Variants in SH3GL2 observed in about 807,000 individuals in gnomAD.
SH3GL2 encodes the protein endophilin-A1.
Under a neutral mutation model 46.0 loss-of-function variants are expected in SH3GL2, and 24 were observed. That is an observed-to-expected ratio of 0.52 (90% CI 0.38 to 0.73). SH3GL2 has a LOEUF of 0.73. SH3GL2 is among the 30% of genes least tolerant of loss of function. The probability of loss-of-function intolerance (pLI) is 0.00; values close to 1 mark genes in which losing one functional copy is unlikely to be tolerated. For synonymous variants in SH3GL2, 196 were observed against 147.1 expected (o/e 1.33, Z -2.40); for missense variants, 413 against 424.2 (o/e 0.97, Z 0.23).
intron 1 of SH3GL2, among the ~76,000 whole-genome samples, chr9:17,592,645 G>T (rs1451627242): frequency 1.3e-5 from 2 of 152,170 alleles, no homozygotes; most frequent in Admixed American, 1.3e-4. Flanking sequence ...AATGGAAGAA[G>T]AATAAAATGG....
intron 1 of SH3GL2, among the ~76,000 whole-genome samples, chr9:17,613,042 T>A (rs1473777291): frequency 1.3e-5 from 2 of 152,240 alleles, no homozygotes; most frequent in Non-Finnish European, 2.9e-5. Flanking sequence ...CATTTTGTTG[T>A]CAAGTTTATT....
At chr9:17,638,264 G>A (rs1159960696) in intron 1 of SH3GL2, among the ~76,000 whole-genome samples, 1 of 152,042 alleles carries the variant, frequency 6.6e-6, no homozygotes, top group African/African-American at 2.4e-5. Flanking sequence ...TTTCAAGTCA[G>A]TATCAAAAAA....
In SH3GL2 at chr9:17,796,418, T is replaced by C. The variant is rs889498434; in HGVS notation, c.*675T>C. 2 of 152,334 alleles carry C rather than the reference T, an allele frequency of 1.3e-5. No homozygotes were observed. The highest frequency in any genetic ancestry group is 4.8e-5 in the African/African-American group (2 of 41,472). The allele number at this position is 152,334 out of a possible 1,614,324, so 9.4% of individuals were successfully genotyped here. A position where few individuals can be genotyped will look rare whatever the true frequency, so the allele number is the denominator to read the frequency against. ...AATTATTTTTCAGTAAGACAGTTAA[T>C]CAGCATTATTGTGAGAGGGACTGAA... is the stretch of plus-strand genomic sequence containing the variant. On this transcript the variant is annotated 3_prime_UTR_variant, in exon 9 of 9. Coordinates refer to ENST00000380607, the MANE Select transcript of SH3GL2 (RefSeq NM_003026.5).
At chr9:17,719,490 C>G (rs1821840198) in intron 1 of SH3GL2, among the ~76,000 whole-genome samples, 1 of 151,994 alleles carries the variant, frequency 6.6e-6, no homozygotes, top group African/African-American at 2.4e-5. Flanking sequence ...TTCTCAGTAC[C>G]TTTGAAAGTT....
chr9:17,695,325 C>T (rs1394715940), intron 1 of SH3GL2, among the ~76,000 whole-genome samples: 3 of 152,102 alleles, frequency 2.0e-5, no homozygotes, highest in Non-Finnish European at 4.4e-5. Flanking sequence ...TGGGATCCCA[C>T]GAGCTAGCCT....
chr9:17,757,497 A>G (rs936510198), intron 2 of SH3GL2, among the ~76,000 whole-genome samples: 4 of 152,240 alleles, frequency 2.6e-5, no homozygotes, highest in African/African-American at 9.6e-5. Context: ...TGGGCGAAGG[A>G]TATGAACAGT....
At chr9:17,639,941 T>C (rs992399598) in intron 1 of SH3GL2, among the ~76,000 whole-genome samples, 1 of 152,180 alleles carries the variant, frequency 6.6e-6, no homozygotes, top group Non-Finnish European at 1.5e-5. Context: ...ACTAGTGATA[T>C]AAAGCAGATT....
intron 3 of SH3GL2, among the ~76,000 whole-genome samples, chr9:17,777,294 A>G (rs1256331709): frequency 6.6e-6 from 1 of 152,180 alleles, no homozygotes; most frequent in East Asian, 1.9e-4. Context: ...AATATTTATA[A>G]AGATAAAAGC....
intron 1 of SH3GL2, among the ~76,000 whole-genome samples, chr9:17,682,654 C>T (rs572617864): frequency 2.7e-5 from 4 of 149,248 alleles, no homozygotes; most frequent in Admixed American, 2.0e-4. Flanking sequence ...GCATATTCTG[C>T]GTATGTATCC....
At chr9:17,663,854 A>G (rs933011364) in intron 1 of SH3GL2, among the ~76,000 whole-genome samples, 1 of 152,190 alleles carries the variant, frequency 6.6e-6, no homozygotes, top group Non-Finnish European at 1.5e-5. Flanking sequence ...AAAAATATCT[A>G]TTGGAATAAC....
At chr9:17,776,108 C>T (rs1012170604) in intron 3 of SH3GL2, among the ~76,000 whole-genome samples, 1 of 152,136 alleles carries the variant, frequency 6.6e-6, no homozygotes, top group South Asian at 2.1e-4. Flanking sequence ...CACCCCTCAT[C>T]CTTGCTCTTC....
chr9:17,710,943 C>G (rs1821604992), intron 1 of SH3GL2, among the ~76,000 whole-genome samples: 1 of 151,838 alleles, frequency 6.6e-6, no homozygotes, highest in Non-Finnish European at 1.5e-5. Flanking sequence ...TAAAGTAGAA[C>G]AATTATAACA....
chr9:17,592,707 A>G (rs1054757276), intron 1 of SH3GL2, among the ~76,000 whole-genome samples: 1 of 152,130 alleles, frequency 6.6e-6, no homozygotes, highest in African/African-American at 2.4e-5. Flanking sequence ...ATTGTGAAAT[A>G]TGTATTTCGT....
rs16935957 is a variant in SH3GL2, at chr9:17,746,864, A to T, written c.46-202A>T. ...TACAAATTTGAATGCTTGCTTCTAT[A>T]CCCACCAGATGCATAGCCTTTAGTA... On this transcript the variant is annotated intron_variant, in intron 1 of 8. Coordinates refer to ENST00000380607, the MANE Select transcript of SH3GL2 (RefSeq NM_003026.5). 0.11 allele frequency among the ~76,000 whole-genome samples: 17,100 copies of T among 152,242 alleles called. 1,155 individuals carry two copies. Among genetic ancestry groups the T allele is most frequent in the Admixed American group, 0.23 (3,503 of 15,292 alleles).
At chr9:17,596,089 C>T (rs954396354) in intron 1 of SH3GL2, among the ~76,000 whole-genome samples, 10 of 152,086 alleles carry the variant, frequency 6.6e-5, no homozygotes, top group Non-Finnish European at 8.8e-5. Context: ...GGAGCCATCA[C>T]GGGGACTAGG....
chr9:17,678,753 T>A (rs528190412), intron 1 of SH3GL2, among the ~76,000 whole-genome samples: 1 of 152,350 alleles, frequency 6.6e-6, no homozygotes, highest in South Asian at 2.1e-4. Context: ...TCTAGGGTTT[T>A]TATGGTTTTA....
intron 1 of SH3GL2, among the ~76,000 whole-genome samples, chr9:17,613,626 G>T (rs981323048): frequency 6.6e-6 from 1 of 152,146 alleles, no homozygotes; most frequent in Non-Finnish European, 1.5e-5. Flanking sequence ...GTTACGTGAA[G>T]ACCTTGTGTG....
At chr9:17,661,372 T>C (rs1382365968) in intron 1 of SH3GL2, among the ~76,000 whole-genome samples, 2 of 152,070 alleles carry the variant, frequency 1.3e-5, no homozygotes, top group African/African-American at 4.8e-5. Flanking sequence ...GACATCTTGA[T>C]AGCATGGAGC....
intron 1 of SH3GL2, among the ~76,000 whole-genome samples, chr9:17,624,339 G>A (rs1330539419): frequency 1.3e-5 from 2 of 152,158 alleles, no homozygotes; most frequent in Non-Finnish European, 2.9e-5. Flanking sequence ...GGGAGCTACT[G>A]TAAGGTCATA....
Sources: gnomAD v4.1 joint callset for allele counts (sites outside exome capture counted in the v4.1 genomes callset) on GRCh38, gnomAD v4.1.1 for gene constraint, MANE v1.5 for transcripts, NCBI Gene and HGNC (gene_info 2026-07-23, HGNC 2026-07-21) for gene names.